Variants in LRRC2 observed in about 807,000 individuals in gnomAD.
LRRC2 encodes the protein leucine rich repeat containing 2.
LRRC2 carries 27 observed loss-of-function variants against 40.2 expected under a neutral mutation model. The observed-to-expected ratio is 0.67, with a 90% confidence interval of 0.49 to 0.93. The LOEUF (loss-of-function observed/expected upper bound fraction) is 0.93, where lower values mean the gene tolerates loss of function less well. Among genes scored for constraint, LRRC2 ranks in the 40% least tolerant of loss-of-function variants. The probability of loss-of-function intolerance (pLI) is 0.00; values close to 1 mark genes in which losing one functional copy is unlikely to be tolerated. For missense variants in LRRC2, 402 were observed against 439.6 expected, an observed-to-expected ratio of 0.91 and a Z score of 0.76; for synonymous variants, 147 against 158.9, an observed-to-expected ratio of 0.92 and a Z score of 0.56.
intron 3 of LRRC2, among the ~76,000 whole-genome samples, chr3:46,541,071 C>A (rs909609710): frequency 6.6e-6 from 1 of 152,194 alleles, no homozygotes; most frequent in African/African-American, 2.4e-5. Flanking sequence ...TGGTGGCTCA[C>A]GCCTGTAATC....
chr3:46,532,609 A>G (rs908769996), intron 5 of LRRC2, among the ~76,000 whole-genome samples, 164 bp downstream of exon 5: 6 of 152,244 alleles, frequency 3.9e-5, no homozygotes, highest in Non-Finnish European at 8.8e-5. Flanking sequence ...CACCTCAAAA[A>G]AAAAGAAGTT....
chr3:46,560,876 T>C lies in LRRC2; in HGVS notation c.-20+5301A>G, dbSNP rs529158531. Reference sequence around the variant, plus strand: ...TGGGGCCACAAAGTGTCATCAGCCATGTTCCTCTCCAGTCCAAGGACTCCC... The same window carrying C: ...TGGGGCCACAAAGTGTCATCAGCCACGTTCCTCTCCAGTCCAAGGACTCCC... On this transcript the variant is annotated intron_variant, in intron 1 of 8. Transcript: ENST00000395905. 6.6e-5 allele frequency among the ~76,000 whole-genome samples: 10 copies of C among 152,290 alleles called. No individual in the cohort carries two copies. The South Asian group carries it at 1.7e-3, about 25-fold the overall frequency.
rs112179594 is a variant in LRRC2 at position 46,525,108 on chromosome 3, A to G, written c.929+2318T>C. On this transcript the variant is annotated intron_variant, in intron 7 of 8. Transcript: ENST00000395905. ...TTTCTTTTTTTTTTTTTTTTTTTAGATAGAGTCTTGCTCTATCATCCAGGC... is the reference window on the plus strand; with the variant it reads ...TTTCTTTTTTTTTTTTTTTTTTTAGGTAGAGTCTTGCTCTATCATCCAGGC... Among the ~76,000 whole-genome samples the G allele has an allele frequency of 5.4e-3, 632 of 117,420 alleles. 9 individuals carry two copies. Among genetic ancestry groups the G allele is most frequent in the African/African-American group, 0.019 (587 of 30,780 alleles). The allele number at this position is 117,420 out of a possible 152,430, so 77.0% of individuals were successfully genotyped here. A position where few individuals can be genotyped will look rare whatever the true frequency, so the allele number is the denominator to read the frequency against.
intron 4 of LRRC2, among the ~76,000 whole-genome samples, chr3:46,538,407 G>A (rs1704311222): frequency 6.6e-6 from 1 of 152,180 alleles, no homozygotes; most frequent in Non-Finnish European, 1.5e-5. Context: ...AGCCGAGGCA[G>A]GCAGAGCACC....
rs1308354438 is a variant in LRRC2, at chr3:46,543,653, T to TAATAATA, written c.333+1392_333+1393insTATTATT. Among the ~76,000 whole-genome samples, 7 of 94,368 alleles carry TAATAATA rather than the reference T, an allele frequency of 7.4e-5. No homozygotes were observed. In the South Asian group the frequency reaches 2.1e-3, roughly 28 times the overall value. The allele number at this position is 94,368 out of a possible 152,430, so 61.9% of individuals were successfully genotyped here. ...TAATAATAATAATAATAATAATAAA[T>TAATAATA]AATAAATACCCTTTACAATGATTTT... On this transcript the variant is annotated intron_variant, in intron 3 of 8. Transcript: ENST00000395905.
chr3:46,542,203 A>T (rs1034472824), intron 3 of LRRC2, among the ~76,000 whole-genome samples: 8 of 152,168 alleles, frequency 5.3e-5, no homozygotes, highest in Admixed American at 1.3e-4. Flanking sequence ...TAAAAGAAAA[A>T]GGAAACTCTG....
chr3:46,563,046 C>T (rs181626720), intron 1 of LRRC2, among the ~76,000 whole-genome samples: 5 of 152,160 alleles, frequency 3.3e-5, no homozygotes, highest in East Asian at 1.9e-4. Flanking sequence ...TCTTTTGCTT[C>T]GTTTCCTCAC....
At chr3:46,565,994 C>T (rs1705051598) in intron 1 of LRRC2, among the ~76,000 whole-genome samples, 183 bp downstream of exon 1, 1 of 152,206 alleles carries the variant, frequency 6.6e-6, no homozygotes, top group African/African-American at 2.4e-5. Context: ...TGCCTAAGCC[C>T]CAGCCGCTGT....
Position 46,547,806 on chromosome 3 carries a change from T to C in LRRC2, c.126-2553A>G, listed in dbSNP as rs550849491. On this transcript the variant is annotated intron_variant, in intron 2 of 8. Transcript: ENST00000395905. ...GAGAAGTGGGCTCCTCTGGGAGAAGTTGTAGTGGCTTGGAATTGTTGCTTT... is the reference window on the plus strand; with the variant it reads ...GAGAAGTGGGCTCCTCTGGGAGAAGCTGTAGTGGCTTGGAATTGTTGCTTT... Among the ~76,000 whole-genome samples, 6 of 151,972 alleles carry C rather than the reference T, an allele frequency of 3.9e-5. No individual in the cohort carries two copies. The South Asian group carries it at 1.0e-3, about 26-fold the overall frequency.
intron 2 of LRRC2, among the ~76,000 whole-genome samples, chr3:46,547,678 A>T (rs9884011): frequency 0.98 from 147,950 of 151,198 alleles, 72,447 homozygotes; most frequent in East Asian, 1. Context: ...GAAAAAAAAA[A>T]ATATATATAT....
At chr3:46,524,521 G>C (rs1043794594) in intron 7 of LRRC2, among the ~76,000 whole-genome samples, 1 of 152,166 alleles carries the variant, frequency 6.6e-6, no homozygotes, top group Non-Finnish European at 1.5e-5. Flanking sequence ...AGGACAGAGC[G>C]GTGCGCTCCT....
chr3:46,552,633 G>T (rs1212596461), intron 1 of LRRC2, among the ~76,000 whole-genome samples: 1 of 151,934 alleles, frequency 6.6e-6, no homozygotes, highest in Non-Finnish European at 1.5e-5. Flanking sequence ...GTTCTCCAGG[G>T]TAGTCTCTGC....
intron 8 of LRRC2, among the ~76,000 whole-genome samples, chr3:46,520,983 C>G (rs940653045): frequency 6.6e-6 from 1 of 152,164 alleles, no homozygotes; most frequent in Non-Finnish European, 1.5e-5. Flanking sequence ...TGGGAAAAAG[C>G]CTTCCCACCC....
chr3:46,562,524 C>G (rs898359277), intron 1 of LRRC2, among the ~76,000 whole-genome samples: 1 of 152,132 alleles, frequency 6.6e-6, no homozygotes, highest in Non-Finnish European at 1.5e-5. Flanking sequence ...ATAAAAGACA[C>G]TTTAAAAATC....
In LRRC2 at chr3:46,532,794, T is replaced by C. The variant is rs1704184730; in HGVS notation, c.606A>G (p.Glu202=). The C allele has an allele frequency of 1.2e-6, 2 of 1,613,740 alleles. No individual in the cohort carries two copies. The highest frequency in any genetic ancestry group is 1.7e-6 in the Non-Finnish European group (2 of 1,179,808). The change falls in exon 5 of 9, where the codon GAA becomes GAG. Residue 202 remains glutamate (E), a synonymous_variant. Coordinates refer to ENST00000395905, the MANE Select transcript of LRRC2 (RefSeq NM_024512.5). ...LERLDCSGNL[E]LMELPFELSN... ...TTACTTCAAAGGGCAGCTCCATTAA[T>C]TCTAGATTTCCAGAACAATCCAGTC...
At chr3:46,522,823 A>G (rs1371553325) in intron 7 of LRRC2, among the ~76,000 whole-genome samples, 2 of 150,604 alleles carry the variant, frequency 1.3e-5, no homozygotes, top group African/African-American at 4.9e-5. Context: ...TAAAGGGGGG[A>G]AACCCAAATG....
intron 7 of LRRC2, among the ~76,000 whole-genome samples, chr3:46,527,219 C>T (rs537841898): frequency 6.6e-6 from 1 of 152,318 alleles, no homozygotes; most frequent in African/African-American, 2.4e-5. Flanking sequence ...GTGCAGAAAT[C>T]CTCTGAACCC....
rs923152837 is a variant in LRRC2 at position 46,527,596 on chromosome 3, A to C, written c.774-15T>G. ...GCTCCTCTAGCCTAAGAAGAGGTAA[A>C]AACAATCATAGCACTGGACTTAGCA... On this transcript the variant is annotated splice_polypyrimidine_tract_variant and intron_variant, in intron 6 of 8. Transcript: ENST00000395905. 1 of 1,612,184 alleles carries C rather than the reference A, an allele frequency of 6.2e-7. No homozygotes were observed. The highest frequency in any genetic ancestry group is 1.3e-5 in the African/African-American group (1 of 74,902).
chr3:46,544,534 A>G (rs951773969), intron 3 of LRRC2, among the ~76,000 whole-genome samples: 5 of 152,218 alleles, frequency 3.3e-5, no homozygotes, highest in African/African-American at 4.8e-5. Flanking sequence ...GGAGGGTCCC[A>G]GGGAACCCTG....
Sources: gnomAD v4.1 joint callset for allele counts (sites outside exome capture counted in the v4.1 genomes callset) on GRCh38, gnomAD v4.1.1 for gene constraint, MANE v1.5 for transcripts, NCBI Gene and HGNC (gene_info 2026-07-23, HGNC 2026-07-21) for gene names.